Variants in CLVS1 observed in about 807,000 individuals in gnomAD.
CLVS1 encodes clavesin 1, also known as clavesin-1.
Under a neutral mutation model 33.1 loss-of-function variants are expected in CLVS1, and 10 were observed. That is an observed-to-expected ratio of 0.30 (90% CI 0.19 to 0.51). The LOEUF (loss-of-function observed/expected upper bound fraction) is 0.51. Ranked by LOEUF, CLVS1 falls within the 20% of genes least tolerant of loss-of-function variation. CLVS1 has a pLI of 0.97. For synonymous variants in CLVS1, 163 were observed against 166.1 expected (o/e 0.98, Z 0.14); for missense variants, 343 against 433.4 (o/e 0.79, Z 1.85).
chr8:61,289,996 A>G (rs566901536), intron 1 of CLVS1, among the ~76,000 whole-genome samples: 1 of 152,368 alleles, frequency 6.6e-6, no homozygotes, highest in South Asian at 2.1e-4. Context: ...TGGCTTGGTA[A>G]TATCCACAGT....
chr8:61,274,213 T>C (rs1334333103), intron 2 of CLVS1, among the ~76,000 whole-genome samples: 4 of 152,196 alleles, frequency 2.6e-5, no homozygotes, highest in Admixed American at 6.5e-5. Flanking sequence ...CTGTGAGCCA[T>C]TGGGTGATTA....
intron 2 of CLVS1, among the ~76,000 whole-genome samples, chr8:61,150,622 A>G (rs977122529): frequency 2.0e-5 from 3 of 152,070 alleles, no homozygotes; most frequent in Admixed American, 6.5e-5. Flanking sequence ...AGCTTCCTCT[A>G]CTGCTTCAGG....
intron 2 of CLVS1, chr8:61,202,842 T>C: frequency 1.0e-6 from 1 of 996,060 alleles, no homozygotes; most frequent in South Asian, 1.3e-5. Flanking sequence ...ATGAAGATGA[T>C]GATGATGATG....
the CLVS1 span, among the ~76,000 whole-genome samples, chr8:61,013,775 A>G: frequency 6.0e-4 from 91 of 152,336 alleles, 1 homozygote; most frequent in Admixed American, 2.3e-3. Flanking sequence ...GGGAAAAAGT[A>G]AGAATATATT....
At chr8:61,252,270 T>G (rs992974060) in intron 2 of CLVS1, among the ~76,000 whole-genome samples, 4 of 152,228 alleles carry the variant, frequency 2.6e-5, no homozygotes, top group South Asian at 2.1e-4. Context: ...GATTGCACTG[T>G]GGTCTGAGAG....
chr8:61,402,091 TG>T (rs905488961), intron 3 of CLVS1, among the ~76,000 whole-genome samples: 1 of 150,108 alleles, frequency 6.7e-6, no homozygotes, highest in African/African-American at 2.4e-5. Context: ...GACAGACAGA[TG>T]GATGAATGTT....
At chr8:61,461,647 AT>A (rs1365869889) in intron 5 of CLVS1, among the ~76,000 whole-genome samples, 2 of 152,144 alleles carry the variant, frequency 1.3e-5, no homozygotes, top group Non-Finnish European at 2.9e-5. Flanking sequence ...ATTGCTTTGC[AT>A]TTGGGTTTTT....
chr8:61,429,419 TAAAAAAAAAAAAAA>T (rs57688988), intron 3 of CLVS1, among the ~76,000 whole-genome samples: 1 of 73,236 alleles, frequency 1.4e-5, no homozygotes, highest in Admixed American at 1.6e-4. Flanking sequence ...GACTCTGTCT[TAAAAAAAAAAAAAA>T]AAAAAAAAAA....
chr8:61,095,755 C>T lies in CLVS1; in HGVS notation c.-242-36015C>T, dbSNP rs115170487. ...TCAGGATGTTTGGTGTTTCAAGGCA[C>T]GCTGGGATTTTTATTTTTAATGCCT... is the stretch of plus-strand genomic sequence containing the variant. On this transcript the variant is annotated intron_variant, in intron 1 of 2. Transcript: ENST00000522621. Among the ~76,000 whole-genome samples, 787 of 152,218 alleles carry T rather than the reference C, an allele frequency of 5.2e-3. 9 individuals are homozygous for T. Among genetic ancestry groups the T allele is most frequent in the African/African-American group, 0.018 (748 of 41,536 alleles).
intron 2 of CLVS1, chr8:61,203,058 A>G: frequency 2.3e-6 from 3 of 1,302,052 alleles, no homozygotes; most frequent in Non-Finnish European, 3.3e-6. Flanking sequence ...AAAACACCAA[A>G]AGGACCTAGT....
At chr8:61,272,286 G>A (rs1354208598) in intron 2 of CLVS1, among the ~76,000 whole-genome samples, 3 of 152,130 alleles carry the variant, frequency 2.0e-5, no homozygotes, top group Non-Finnish European at 4.4e-5. Flanking sequence ...ATTCTGGGTT[G>A]AAAATTCTTG....
chr8:61,335,095 C>G (rs773126090), intron 2 of CLVS1, among the ~76,000 whole-genome samples: 3 of 152,126 alleles, frequency 2.0e-5, no homozygotes, highest in African/African-American at 4.8e-5. Flanking sequence ...TCAAGTGAGC[C>G]AGTTTATTGA....
intron 3 of CLVS1, among the ~76,000 whole-genome samples, chr8:61,415,126 G>C (rs937972910): frequency 3.3e-5 from 5 of 152,348 alleles, no homozygotes; most frequent in Non-Finnish European, 7.4e-5. Flanking sequence ...TGCCTCATCT[G>C]TATTCTGAGA....
intron 2 of CLVS1, among the ~76,000 whole-genome samples, chr8:61,176,534 G>A (rs1807115188): frequency 6.6e-6 from 1 of 152,112 alleles, no homozygotes; most frequent in South Asian, 2.1e-4. Context: ...TAAAAGAAGA[G>A]GGGGCAGGAC....
the CLVS1 span, among the ~76,000 whole-genome samples, chr8:60,968,920 T>G: frequency 1.3e-5 from 2 of 151,150 alleles, no homozygotes; most frequent in Non-Finnish European, 2.9e-5. Flanking sequence ...TAAAAAAAAA[T>G]AAAAGAAAAA....
intron 2 of CLVS1, among the ~76,000 whole-genome samples, chr8:61,261,742 C>T (rs1376236543): frequency 6.6e-6 from 1 of 152,106 alleles, no homozygotes; most frequent in African/African-American, 2.4e-5. Flanking sequence ...CTCATAAGAA[C>T]CTGAATCTGC....
chr8:61,407,946 T>G (rs1309021564), intron 3 of CLVS1, among the ~76,000 whole-genome samples: 1 of 152,228 alleles, frequency 6.6e-6, no homozygotes, highest in African/African-American at 2.4e-5. Flanking sequence ...TGTTAAGTGT[T>G]TTTCATTTGC....
At chr8:61,252,711 C>G (rs549585421) in intron 2 of CLVS1, among the ~76,000 whole-genome samples, 1 of 152,210 alleles carries the variant, frequency 6.6e-6, no homozygotes, top group African/African-American at 2.4e-5. Context: ...TGATTTAAAG[C>G]CTGTTTTATC....
chr8:61,471,189 G>A (rs17788873), intron 5 of CLVS1, among the ~76,000 whole-genome samples: 11,191 of 152,228 alleles, frequency 0.074, 470 homozygotes, highest in Non-Finnish European at 0.097. Flanking sequence ...ACCTTGCTGA[G>A]TCTCAGCTTC....
Sources: allele counts gnomAD v4.1 joint callset (sites outside exome capture counted in the v4.1 genomes callset), GRCh38; gene constraint gnomAD v4.1.1; transcripts MANE v1.5; gene names NCBI Gene and HGNC (gene_info 2026-07-23, HGNC 2026-07-21).